PDE10A: variants seen among roughly 807,000 people sequenced by gnomAD.
PDE10A encodes the protein phosphodiesterase 10A.
In PDE10A, 39 loss-of-function variants were observed where a neutral mutation model predicts 97.7. The observed-to-expected ratio is 0.40, with a 90% CI of 0.31 to 0.52. PDE10A has a LOEUF of 0.52. Ranked by LOEUF, PDE10A falls within the 20% of genes least tolerant of loss-of-function variation. PDE10A has a pLI of 0.56. For synonymous variants in PDE10A, 371 were observed against 376.8 expected (o/e 0.98, Z 0.18); for missense variants, 731 against 1,047.8 (o/e 0.70, Z 4.17).
rs780227304 is a variant in PDE10A at position 165,336,171 on chromosome 6, G to T, written c.3017C>A (p.Thr1006Asn). The T allele has an allele frequency of 6.2e-7, 1 of 1,614,060 alleles. No homozygotes were observed. Among genetic ancestry groups the T allele is most frequent in the South Asian group, 1.1e-5 (1 of 91,070 alleles). The change falls in exon 21 of 22, where the codon ACC becomes AAC. Residue 1006 changes from threonine (T) to asparagine (N), a missense_variant. Coordinates refer to ENST00000539869, the MANE Select transcript of PDE10A (RefSeq NM_001385079.1). Reference sequence around the variant, plus strand: ...CGTGGGAGGGAGGATCTGGGTAAGGGTTGTATAGCAGGGAATGGCCACGGC... The same window carrying T: ...CGTGGGAGGGAGGATCTGGGTAAGGTTTGTATAGCAGGGAATGGCCACGGC... The part of the protein sequence containing the change: ...YNAVAIPCYT[T>N]LTQILPPTEP...
At chr6:165,608,364 G>A (rs1787326815) in intron 1 of PDE10A, among the ~76,000 whole-genome samples, 1 of 150,162 alleles carries the variant, frequency 6.7e-6, no homozygotes, top group Admixed American at 6.7e-5. Context: ...TGCGGTGTTT[G>A]GATTTTTGTC....
intron 1 of PDE10A, among the ~76,000 whole-genome samples, chr6:165,856,383 C>T (rs1780735400): frequency 6.6e-6 from 1 of 152,222 alleles, no homozygotes; most frequent in African/African-American, 2.4e-5. Flanking sequence ...CACGGAGCTG[C>T]ATCTGTCTCC....
chr6:165,888,753 T>G (rs1297768883), intron 1 of PDE10A, among the ~76,000 whole-genome samples: 1 of 152,198 alleles, frequency 6.6e-6, no homozygotes, highest in Non-Finnish European at 1.5e-5. Context: ...TTGAAAAGCA[T>G]GGTGAGAGTT....
intron 17 of PDE10A, among the ~76,000 whole-genome samples, chr6:165,379,895 T>C (rs571375241): frequency 6.6e-6 from 1 of 152,040 alleles, no homozygotes; most frequent in Admixed American, 6.5e-5. Context: ...CTCAATAAAA[T>C]GTTTATTCAA....
At chr6:165,454,548 G>A (rs1436730069) in intron 3 of PDE10A, among the ~76,000 whole-genome samples, 1 of 152,082 alleles carries the variant, frequency 6.6e-6, no homozygotes, top group Non-Finnish European at 1.5e-5. Context: ...TCAGCAGTGG[G>A]TTTCTGAATA....
chr6:165,793,286 A>C lies in PDE10A; in HGVS notation c.-615+194243T>G. On this transcript the variant is annotated intron_variant, in intron 1 of 19. Coordinates refer to the PDE10A transcript ENST00000366882. ...TCTTTTTTGTATCTTAATTGTAAGAAGTCCTCGGCCTTATAAGAAAAGAAA... is the reference window on the plus strand; with the variant it reads ...TCTTTTTTGTATCTTAATTGTAAGACGTCCTCGGCCTTATAAGAAAAGAAA... 1.3e-5 allele frequency among the ~76,000 whole-genome samples: 2 copies of C among 152,128 alleles called. 1 individual carries two copies. The highest frequency in any genetic ancestry group is 4.1e-4 in the South Asian group (2 of 4,826).
At chr6:165,457,346 T>G (rs1156608547) in intron 3 of PDE10A, among the ~76,000 whole-genome samples, 2 of 50,636 alleles carry the variant, frequency 3.9e-5, no homozygotes, top group Non-Finnish European at 8.2e-5. Context: ...CAAAGTAGAG[T>G]TAAGCTGGGA....
intron 1 of PDE10A, among the ~76,000 whole-genome samples, chr6:165,656,563 C>T (rs1224376797): frequency 6.6e-6 from 1 of 152,018 alleles, no homozygotes; most frequent in Non-Finnish European, 1.5e-5. Context: ...TTTCTATACA[C>T]TCGTCTGAGG....
chr6:165,381,528 G>T (rs1011696342), intron 17 of PDE10A, among the ~76,000 whole-genome samples: 1 of 151,956 alleles, frequency 6.6e-6, no homozygotes, highest in Non-Finnish European at 1.5e-5. Flanking sequence ...GGCTGGAGTG[G>T]ATCTCTGCTC....
At chr6:165,434,501 C>G (rs1193522862) in intron 6 of PDE10A, among the ~76,000 whole-genome samples, 1 of 152,170 alleles carries the variant, frequency 6.6e-6, no homozygotes, top group Non-Finnish European at 1.5e-5. Context: ...AGACTGAGGG[C>G]TCCACTTTGT....
At chr6:165,703,997 C>T (rs139179876) in intron 1 of PDE10A, among the ~76,000 whole-genome samples, 220 of 152,302 alleles carry the variant, frequency 1.4e-3, no homozygotes, top group African/African-American at 5.1e-3. Flanking sequence ...TTTTCCCACA[C>T]GTTTTTCAAG....
intron 1 of PDE10A, among the ~76,000 whole-genome samples, chr6:165,814,971 A>G (rs1398967423): frequency 6.6e-6 from 1 of 152,120 alleles, no homozygotes; most frequent in Non-Finnish European, 1.5e-5. Context: ...GAGTCACACA[A>G]TGAAAGTGGA....
chr6:165,424,272 AG>A (rs1373242509), intron 10 of PDE10A, among the ~76,000 whole-genome samples: 2 of 152,198 alleles, frequency 1.3e-5, no homozygotes, highest in African/African-American at 4.8e-5. Flanking sequence ...CTAGTTTCAT[AG>A]TTATGTTGAT....
rs966539732 is a variant in PDE10A, at chr6:165,333,094, T to G, written c.3099A>C (p.Arg1033=). Residue 1033 remains arginine, a synonymous_variant, in exon 22 of 22, where the codon CGA becomes CGC. Transcript: ENST00000539869. The part of the protein sequence containing the change: ...DNLSQWEKVI[R]GEETATWISS... The stretch of plus-strand genomic sequence containing the variant: ...AAATCCAGGTTGCAGTCTCCTCCCC[T>G]CGAATCACCTTCTCCCACTGACTGA... 1 of 1,611,140 alleles carries G rather than the reference T, an allele frequency of 6.2e-7. No homozygotes were observed. Among genetic ancestry groups the G allele is most frequent in the Non-Finnish European group, 8.5e-7 (1 of 1,177,310 alleles).
At chr6:165,980,777 T>C (rs997878333) in intron 1 of PDE10A, among the ~76,000 whole-genome samples, 4 of 152,194 alleles carry the variant, frequency 2.6e-5, no homozygotes. Flanking sequence ...TGTATCTATA[T>C]GATACATGCA....
chr6:165,984,001 G>T (rs569135702), intron 1 of PDE10A, among the ~76,000 whole-genome samples: 25 of 152,334 alleles, frequency 1.6e-4, no homozygotes, highest in South Asian at 1.0e-3. Flanking sequence ...GCAGGCATGG[G>T]CCATGGTTTC....
intron 1 of PDE10A, among the ~76,000 whole-genome samples, chr6:165,678,239 G>GTCTCTCTTTGTGTGTGTGTAT (rs1790875413): frequency 8.6e-6 from 1 of 116,026 alleles, no homozygotes; most frequent in African/African-American, 3.4e-5. Context: ...GTGTATGTGT[G>GTCTCTCTTTGTGTGTGTGTAT]TATCTGTGAA....
intron 2 of PDE10A, among the ~76,000 whole-genome samples, chr6:165,539,740 T>C (rs957422085): frequency 6.0e-5 from 9 of 151,152 alleles, no homozygotes; most frequent in African/African-American, 1.7e-4. Flanking sequence ...GGCCGACACG[T>C]TGAAACTCTG....
chr6:165,868,846 G>C (rs1442165035), intron 1 of PDE10A, among the ~76,000 whole-genome samples: 1 of 140,998 alleles, frequency 7.1e-6, no homozygotes, highest in African/African-American at 2.7e-5. Flanking sequence ...TTATCCCAGG[G>C]ATGCGAGGAT....
Sources: allele counts gnomAD v4.1 joint callset (sites outside exome capture counted in the v4.1 genomes callset), GRCh38; gene constraint gnomAD v4.1.1; transcripts MANE v1.5; gene names NCBI Gene and HGNC (gene_info 2026-07-23, HGNC 2026-07-21).